Variants in RBL2 observed in about 807,000 individuals in gnomAD.
RBL2 encodes the protein retinoblastoma-like protein 2.
In RBL2, 56 loss-of-function variants were observed where a neutral mutation model predicts 126.0. That is an observed-to-expected ratio of 0.44 (90% CI 0.36 to 0.56). The LOEUF (loss-of-function observed/expected upper bound fraction) is 0.56, where lower values mean the gene tolerates loss of function less well. RBL2 is among the 20% of genes least tolerant of loss of function. The pLI is 0.00. For synonymous variants in RBL2, 454 were observed against 478.5 expected, an observed-to-expected ratio of 0.95 and a Z score of 0.67; for missense variants, 1,229 against 1,398.2, an observed-to-expected ratio of 0.88 and a Z score of 1.93.
intron 8 of RBL2, among the ~76,000 whole-genome samples, chr16:53,457,653 A>G (rs2058182640): frequency 6.6e-6 from 1 of 152,148 alleles, no homozygotes; most frequent in African/African-American, 2.4e-5. Context: ...GCTCAGGGTC[A>G]CTCCAAATTT....
chr16:53,459,547 T>G lies in RBL2; in HGVS notation c.1276T>G (p.Leu426Val). The G allele has an allele frequency of 1.9e-6, 3 of 1,609,828 alleles. No homozygotes were observed. Among genetic ancestry groups the G allele is most frequent in the Non-Finnish European group, 1.7e-6 (2 of 1,178,808 alleles). Residue 426 changes from leucine (L) to valine (V), a missense_variant, in exon 9 of 22, where the codon TTG (leucine) becomes GTG (valine). Leu to Val is a conservative substitution (Grantham distance 32, BLOSUM62 1). This residue lies in a region of RBL2 where 1,070 missense variants were observed against 1,274.3 expected (regional missense o/e 0.84). Transcript: ENST00000262133. The part of the protein sequence containing the change: ...VTPVSTATHS[L>V]SRLHTMLTGL... The stretch of plus-strand genomic sequence containing the variant: ...TCCAGTTTCTACAGCTACGCATAGC[T>G]TGAGTCGTCTTCACACCATGCTGAC...
At chr16:53,462,898 T>C (rs1220290329) in intron 11 of RBL2, among the ~76,000 whole-genome samples, 3 of 152,220 alleles carry the variant, frequency 2.0e-5, no homozygotes, top group African/African-American at 4.8e-5. Context: ...TGGAGTGTAG[T>C]GGCACGATCT....
intron 1 of RBL2, among the ~76,000 whole-genome samples, chr16:53,438,092 A>C (rs887724750): frequency 7.2e-5 from 11 of 152,198 alleles, no homozygotes; most frequent in African/African-American, 4.8e-5. Flanking sequence ...CTATATAGCA[A>C]ATTGCCTTAA....
chr16:53,468,699 T>A (rs2058292864), intron 14 of RBL2, among the ~76,000 whole-genome samples: 1 of 152,178 alleles, frequency 6.6e-6, no homozygotes, highest in Non-Finnish European at 1.5e-5. Flanking sequence ...GAAATAGAAA[T>A]GTTAAGCCAC....
chr16:53,474,795 G>C (rs1244996759), intron 17 of RBL2, among the ~76,000 whole-genome samples: 2 of 152,160 alleles, frequency 1.3e-5, no homozygotes, highest in African/African-American at 4.8e-5. Flanking sequence ...GCTTTGTCTG[G>C]TTTTATTATC....
At chr16:53,435,791 G>T (rs1417170191) in intron 1 of RBL2, 13 of 1,224,108 alleles carry the variant, frequency 1.1e-5, no homozygotes, top group Non-Finnish European at 1.3e-5. Flanking sequence ...TGATGAGTGA[G>T]GTTATTTTTA....
At position 53,445,754 on chromosome 16, in the gene RBL2, C is replaced by T. The variant is rs1159667193; in HGVS notation, c.573-1288C>T. ...TGTAGGACACAGGCATTTTTTAAAA[C>T]ACCAAACCCCACAGTCTCTGTCTTC... On this transcript the variant is annotated intron_variant, in intron 3 of 21. Transcript: ENST00000262133. The T allele has an allele frequency of 2.6e-5, 4 of 152,334 alleles. No homozygotes were observed. In the East Asian group the frequency reaches 5.8e-4, roughly 22 times the overall value. 9.4% of individuals were successfully genotyped at this position (152,334 alleles called of 1,614,324 possible).
At chr16:53,439,190 G>A (rs753333083) in intron 2 of RBL2, 44 bp downstream of exon 2, 4 of 1,466,406 alleles carry the variant, frequency 2.7e-6, no homozygotes, top group East Asian at 2.5e-5. Flanking sequence ...GCTAATGTAA[G>A]CTCATAAATC....
intron 5 of RBL2, among the ~76,000 whole-genome samples, chr16:53,452,544 G>T (rs947075106): frequency 6.6e-6 from 1 of 152,034 alleles, no homozygotes; most frequent in Non-Finnish European, 1.5e-5. Flanking sequence ...GTTGCTCCTG[G>T]TATGGTAAAT....
chr16:53,465,289 G>A (rs2058261899), intron 12 of RBL2, 149 bp from the exon 13 acceptor site: 1 of 515,848 alleles, frequency 1.9e-6, no homozygotes, highest in Non-Finnish European at 3.1e-6. Flanking sequence ...ATAATTCATA[G>A]TTTGAACTAT....
chr16:53,480,086 A>G, intron 19 of RBL2, 95 bp downstream of exon 19: 1 of 785,066 alleles, frequency 1.3e-6, no homozygotes, highest in South Asian at 1.9e-5. Flanking sequence ...AAATGAAATA[A>G]CTATAGAAAC....
At position 53,479,599 on chromosome 16, in the gene RBL2, G is replaced by C. The variant is rs1303337774; in HGVS notation, c.2776-287G>C. The C allele has an allele frequency of 1.8e-5, 8 of 452,560 alleles. No homozygotes were observed. In the Admixed American group the frequency reaches 2.8e-4, roughly 16 times the overall value. The allele number at this position is 452,560 out of a possible 1,614,324, so 28.0% of individuals were successfully genotyped here. A position where few individuals can be genotyped will look rare whatever the true frequency, so the allele number is the denominator to read the frequency against. On this transcript the variant is annotated intron_variant, in intron 18 of 21. Transcript: ENST00000262133. ...CCTTTATTACCATTCATCTCTGAGA[G>C]GCAAATCGGCCAGATCTGTGTATCT...
chr16:53,463,357 C>G (rs2036560126), intron 11 of RBL2, among the ~76,000 whole-genome samples: 1 of 151,766 alleles, frequency 6.6e-6, no homozygotes, highest in Admixed American at 6.6e-5. Flanking sequence ...GACAGAGTCT[C>G]ACTCTCTTGC....
intron 7 of RBL2, chr16:53,454,189 G>C: frequency 2.2e-6 from 1 of 450,616 alleles, no homozygotes; most frequent in Non-Finnish European, 4.4e-6. Flanking sequence ...GATTACATGT[G>C]ATACTATCCA....
At chr16:53,485,561 G>A (rs950261508) in intron 21 of RBL2, among the ~76,000 whole-genome samples, 4 of 152,110 alleles carry the variant, frequency 2.6e-5, no homozygotes, top group Non-Finnish European at 5.9e-5. Context: ...ACAAAAGCTC[G>A]GTTTTTTTGG....
At chr16:53,444,082 C>G (rs2058040126) in intron 3 of RBL2, among the ~76,000 whole-genome samples, 1 of 151,890 alleles carries the variant, frequency 6.6e-6, no homozygotes, top group East Asian at 1.9e-4. Context: ...AACCCCGTCT[C>G]TACTAAAAAT....
intron 20 of RBL2, 153 bp from the exon 21 acceptor site, chr16:53,481,517 AG>A: frequency 4.5e-6 from 3 of 668,100 alleles, no homozygotes. Flanking sequence ...GTTTGCTATT[AG>A]AATATTTTTC....
rs2153141361 is a variant in RBL2, at chr16:53,453,454, T to C, written c.769T>C (p.Leu257=). Residue 257 remains leucine (L), a splice_region_variant and synonymous_variant, in exon 6 of 22, where the codon TTA becomes CTA. Transcript: ENST00000262133. ...TTTTGTGATTCTATACACCATAGGCTTATCTGAAGATTTTCATGCTAAAGA... is the reference window on the plus strand; with the variant it reads ...TTTTGTGATTCTATACACCATAGGCCTATCTGAAGATTTTCATGCTAAAGA... ...KELVNPNFKG[L]SEDFHAKDSK... 1.2e-6 allele frequency: 2 copies of C among 1,612,054 alleles called. No homozygotes were observed. The highest frequency in any genetic ancestry group is 1.7e-6 in the Non-Finnish European group (2 of 1,178,524).
intron 3 of RBL2, chr16:53,443,312 A>G (rs1033419347): frequency 6.6e-6 from 1 of 152,510 alleles, no homozygotes; most frequent in East Asian, 1.9e-4. Context: ...ATTTTAGTAT[A>G]TGTGCTGCCG....
Sources: allele counts gnomAD v4.1 joint callset (sites outside exome capture counted in the v4.1 genomes callset), GRCh38; gene constraint gnomAD v4.1.1; regional missense constraint gnomAD v4.1.1; transcripts MANE v1.5; gene names NCBI Gene and HGNC (gene_info 2026-07-23, HGNC 2026-07-21).